Variants in POLR2D observed in about 807,000 individuals in gnomAD.
The protein encoded by POLR2D is DNA-directed RNA polymerase II subunit RPB4.
Under a neutral mutation model 17.6 loss-of-function variants are expected in POLR2D, and 10 were observed. The observed-to-expected ratio is 0.57, with a 90% CI of 0.35 to 0.96. The LOEUF is 0.96. Among genes scored for constraint, POLR2D ranks in the 40% least tolerant of loss-of-function variants. The pLI, the probability that POLR2D is intolerant of heterozygous loss-of-function variation, is 0.02. For synonymous variants in POLR2D, 52 were observed against 60.2 expected (o/e 0.86, Z 0.63); for missense variants, 126 against 176.4 (o/e 0.71, Z 1.62).
In POLR2D at chr2:127,844,891, T is replaced by C. The variant is rs1000884652; in HGVS notation, c.*3216A>G. 2 of 152,206 alleles carry C rather than the reference T, an allele frequency of 1.3e-5. No homozygotes were observed. Among genetic ancestry groups the C allele is most frequent in the African/African-American group, 4.8e-5 (2 of 41,436 alleles). The allele number at this position is 152,206 out of a possible 1,614,324, so 9.4% of individuals were successfully genotyped here. ...CTGGTCTCGAACTTCTGACCTCTGG[T>C]GATCCACCCGCCTCGGCCTCCCAAA... On this transcript the variant is annotated 3_prime_UTR_variant, in exon 4 of 4. Transcript: ENST00000272645.
intron 2 of POLR2D, 75 bp from the exon 3 acceptor site, chr2:127,850,760 G>A: frequency 1.4e-6 from 1 of 736,868 alleles, no homozygotes; most frequent in South Asian, 1.6e-5. Context: ...GTAATCAACA[G>A]GAAAAAAGGG....
At position 127,858,055 on chromosome 2, in the gene POLR2D, CCT is replaced by C. The variant is rs1170002917; in HGVS notation, c.44_45del (p.Glu15GlyfsTer9). The C allele has an allele frequency of 3.8e-6, 6 of 1,569,506 alleles. No homozygotes were observed. The highest frequency in any genetic ancestry group is 5.2e-6 in the Non-Finnish European group (6 of 1,161,514). On this transcript the variant is annotated frameshift_variant, in exon 1 of 4. Transcript: ENST00000272645. LOFTEE classifies it high-confidence loss of function. Reference protein sequence around the residue: ...GSDPRAGDVEEDASQLIFPKE... With the variant: ...GSDPRAGDVEXDASQLIFPKE... Reference sequence around the variant, plus strand: ...TTAGGAAAGATGAGCTGTGAGGCGTCCTCCTCTACGTCGCCAGCCCGCGGATC... The same window carrying C: ...TTAGGAAAGATGAGCTGTGAGGCGTCCCTCTACGTCGCCAGCCCGCGGATC...
rs1325490248 is a variant in POLR2D, at chr2:127,851,797, T to G, written c.255-1112A>C. Among the ~76,000 whole-genome samples the G allele has an allele frequency of 2.6e-5, 4 of 152,282 alleles. No homozygotes were observed. In the East Asian group the frequency reaches 7.7e-4, roughly 29 times the overall value. The stretch of plus-strand genomic sequence containing the variant: ...TGGCTTACCTCTAATTCGAGGACTT[T>G]GTTTTTTTTGAGATGGAGTCTCACT... On this transcript the variant is annotated intron_variant, in intron 2 of 3. Coordinates refer to ENST00000272645, the MANE Select transcript of POLR2D (RefSeq NM_004805.4).
At chr2:127,851,327 G>A (rs1690249186) in intron 2 of POLR2D, among the ~76,000 whole-genome samples, 1 of 152,240 alleles carries the variant, frequency 6.6e-6, no homozygotes, top group Admixed American at 6.5e-5. Context: ...GCTGAGGCAT[G>A]AGAACTGCTT....
Position 127,852,865 on chromosome 2 carries a change from G to A in POLR2D, c.254+60C>T, listed in dbSNP as rs1690273222. The A allele has an allele frequency of 8.8e-7, 1 of 1,140,914 alleles. No homozygotes were observed. The highest frequency in any genetic ancestry group is 1.9e-5 in the Admixed American group (1 of 51,618). 70.7% of individuals were successfully genotyped at this position (1,140,914 alleles called of 1,614,324 possible). ...ACACCTGGGAAAGGGGGAGGGGACA[G>A]CATTCTACATGCAGTTGTCCAATGG... On this transcript the variant is annotated intron_variant, in intron 2 of 3. Coordinates refer to ENST00000272645, the MANE Select transcript of POLR2D (RefSeq NM_004805.4). The surrounding 1 kb of genome is among the most constrained non-coding windows in gnomAD (Gnocchi z 4.0).
chr2:127,844,107 C>CAAAAAAAAAAAAAAAAAA lies in POLR2D; in HGVS notation c.*3982_*3999dup, dbSNP rs76109896. The CAAAAAAAAAAAAAAAAAA allele has an allele frequency of 1.1e-3, 76 of 69,468 alleles. 9 individuals carry two copies. The highest frequency in any genetic ancestry group is 4.3e-3 in the African/African-American group (67 of 15,656). The allele number at this position is 69,468 out of a possible 1,614,324, so 4.3% of individuals were successfully genotyped here. On this transcript the variant is annotated 3_prime_UTR_variant, in exon 4 of 4. Transcript: ENST00000272645. ...CGACAGAGCAAGATCCTGCTGTATC[C>CAAAAAAAAAAAAAAAAAA]AAAAAAAAAAAAAAAAAAAGCCTGG... is the stretch of plus-strand genomic sequence containing the variant.
chr2:127,852,623 C>G lies in POLR2D; in HGVS notation c.254+302G>C, dbSNP rs568674968. ...TCACTGCAACCTTGGCCTACAGATT[C>G]AAGCGATTCTCCCGCCTCGGCCTCC... On this transcript the variant is annotated intron_variant, in intron 2 of 3. Coordinates refer to ENST00000272645, the MANE Select transcript of POLR2D (RefSeq NM_004805.4). The surrounding 1 kb of genome is among the most constrained non-coding windows in gnomAD (Gnocchi z 4.0). Among the ~76,000 whole-genome samples the G allele has an allele frequency of 2.0e-5, 3 of 152,194 alleles. No homozygotes were observed. The highest frequency in any genetic ancestry group is 4.1e-4 in the South Asian group (2 of 4,836).
Position 127,847,061 on chromosome 2 carries a change from C to G in POLR2D, c.*1046G>C, listed in dbSNP as rs986497086. 6.6e-6 allele frequency: 1 copy of G among 152,564 alleles called. No individual in the cohort carries two copies. The highest frequency in any genetic ancestry group is 1.5e-5 in the Non-Finnish European group (1 of 68,048). The allele number at this position is 152,564 out of a possible 1,614,324, so 9.5% of individuals were successfully genotyped here. A position where few individuals can be genotyped will look rare whatever the true frequency, so the allele number is the denominator to read the frequency against. On this transcript the variant is annotated 3_prime_UTR_variant, in exon 4 of 4. Coordinates refer to ENST00000272645, the MANE Select transcript of POLR2D (RefSeq NM_004805.4). ...CACCTGGTTGTGGACCTCTTTGGCA[C>G]GACCATTGCTTCTTCTTTGTTATCT...
At position 127,850,678 on chromosome 2, in the gene POLR2D, G is replaced by T; in HGVS notation, c.262C>A (p.Leu88Ile). 3 of 1,497,510 alleles carry T rather than the reference G, an allele frequency of 2.0e-6. No individual in the cohort carries two copies. The highest frequency in any genetic ancestry group is 1.5e-5 in the African/African-American group (1 of 67,854). 92.8% of individuals were successfully genotyped at this position (1,497,510 alleles called of 1,614,324 possible). The change falls in exon 3 of 4, where the codon CTC becomes ATC. Residue 88 changes from leucine to isoleucine, a missense_variant. This residue lies in a region of POLR2D where 85 missense variants were observed against 151.4 expected (regional missense o/e 0.56). Transcript: ENST00000272645. ...ETIASVRSLL[L>I]QKKLHKFELA... Reference sequence around the variant, plus strand: ...TCAAACTTATGAAGCTTTTTCTGGAGTAGCAAGCTAATCAAAAGGAAAAAA... The same window carrying T: ...TCAAACTTATGAAGCTTTTTCTGGATTAGCAAGCTAATCAAAAGGAAAAAA...
intron 3 of POLR2D, 24 bp from the exon 4 acceptor site, chr2:127,848,209 A>C: frequency 6.4e-7 from 1 of 1,551,182 alleles, no homozygotes; most frequent in Non-Finnish European, 8.9e-7. Context: ...AAAAGAAATG[A>C]GTGATTTGGC....
At chr2:127,854,448 G>A (rs1690298392) in intron 1 of POLR2D, among the ~76,000 whole-genome samples, 1 of 152,190 alleles carries the variant, frequency 6.6e-6, no homozygotes, top group Admixed American at 6.5e-5. Context: ...GTGAGGAAAA[G>A]CCAAAACGAC....
rs1230323559 is a variant in POLR2D, at chr2:127,852,093, C to T, written c.254+832G>A. Among the ~76,000 whole-genome samples, 1 of 152,132 alleles carries T rather than the reference C, an allele frequency of 6.6e-6. No individual in the cohort carries two copies. The highest frequency in any genetic ancestry group is 1.9e-4 in the East Asian group (1 of 5,194). On this transcript the variant is annotated intron_variant, in intron 2 of 3. Coordinates refer to ENST00000272645, the MANE Select transcript of POLR2D (RefSeq NM_004805.4). This position sits in a 1 kb window ranked among gnomAD's most constrained non-coding sequence, Gnocchi z 4.0. Reference sequence around the variant, plus strand: ...CATGAGCCACTGCACCCGGCCAATCCCAGCACTTTGGGGGGCTAAGGTTGG... The same window carrying T: ...CATGAGCCACTGCACCCGGCCAATCTCAGCACTTTGGGGGGCTAAGGTTGG...
At chr2:127,849,177 C>T (rs530266959) in intron 3 of POLR2D, among the ~76,000 whole-genome samples, 12 of 151,454 alleles carry the variant, frequency 7.9e-5, no homozygotes, top group African/African-American at 2.4e-4. Context: ...CCCGAGTAGC[C>T]GGGACTACAG....
chr2:127,849,605 C>CTGCAACAT (rs796217444), intron 3 of POLR2D, among the ~76,000 whole-genome samples: 33 of 152,154 alleles, frequency 2.2e-4, no homozygotes, highest in African/African-American at 7.2e-4. Flanking sequence ...CCTCAAAATT[C>CTGCAACAT]ATTCTGGCAT....
intron 1 of POLR2D, among the ~76,000 whole-genome samples, chr2:127,857,334 A>T (rs1690353847): frequency 6.6e-6 from 1 of 152,158 alleles, no homozygotes; most frequent in African/African-American, 2.4e-5. Flanking sequence ...TAAATCAATA[A>T]ATCAATAAAG....
rs944941209 is a variant in POLR2D at position 127,846,716 on chromosome 2, T to G, written c.*1391A>C. ...TCCAGAGAAGTTTTTCTTCAGTCCTTAACAACTCCGCTCCTTATATGGGCT... is the reference window on the plus strand; with the variant it reads ...TCCAGAGAAGTTTTTCTTCAGTCCTGAACAACTCCGCTCCTTATATGGGCT... On this transcript the variant is annotated 3_prime_UTR_variant, in exon 4 of 4. Coordinates refer to ENST00000272645, the MANE Select transcript of POLR2D (RefSeq NM_004805.4). 2 of 154,612 alleles carry G rather than the reference T, an allele frequency of 1.3e-5. No individual in the cohort carries two copies. The highest frequency in any genetic ancestry group is 4.8e-5 in the African/African-American group (2 of 41,496). 9.6% of individuals were successfully genotyped at this position (154,612 alleles called of 1,614,324 possible).
chr2:127,857,844 GC>G, intron 1 of POLR2D, 183 bp downstream of exon 1: 1 of 1,321,842 alleles, frequency 7.6e-7, no homozygotes. Flanking sequence ...TAACCCAGTT[GC>G]CCAGGCGGTC....
rs1690119693 is a variant in POLR2D, at chr2:127,844,558, C to T, written c.*3549G>A. On this transcript the variant is annotated 3_prime_UTR_variant, in exon 4 of 4. Transcript: ENST00000272645. ...GCAATATGCTGTCCAGCCCTGTAAA[C>T]AATTTTTGACTGTCTTGCAGAATAG... The T allele has an allele frequency of 6.6e-6, 1 of 152,212 alleles. No homozygotes were observed. The highest frequency in any genetic ancestry group is 2.4e-5 in the African/African-American group (1 of 41,462). 9.4% of individuals were successfully genotyped at this position (152,212 alleles called of 1,614,324 possible). A position where few individuals can be genotyped will look rare whatever the true frequency, so the allele number is the denominator to read the frequency against.
rs1465460812 is a variant in POLR2D at position 127,852,350 on chromosome 2, C to T, written c.254+575G>A. 6.6e-6 allele frequency among the ~76,000 whole-genome samples: 1 copy of T among 152,136 alleles called. No homozygotes were observed. The highest frequency in any genetic ancestry group is 1.5e-5 in the Non-Finnish European group (1 of 68,020). On this transcript the variant is annotated intron_variant, in intron 2 of 3. Transcript: ENST00000272645. The surrounding 1 kb of genome is among the most constrained non-coding windows in gnomAD (Gnocchi z 4.0). ...CTCAACCTCCCAGGCTCACATGATC[C>T]TCCCACTTCAGCCTCCCAAGTAACT...
Sources: allele counts gnomAD v4.1 joint callset (sites outside exome capture counted in the v4.1 genomes callset), GRCh38; gene constraint gnomAD v4.1.1; regional missense constraint gnomAD v4.1.1; non-coding constraint Gnocchi (gnomAD v3.1); transcripts MANE v1.5; gene names NCBI Gene and HGNC (gene_info 2026-07-23, HGNC 2026-07-21).